Variants in CAST observed in about 807,000 individuals in gnomAD.
CAST encodes the protein MIR583 host.
A neutral mutation model predicts 119.6 loss-of-function variants in CAST; 76 were observed. The observed-to-expected ratio is 0.64, with a 90% confidence interval of 0.53 to 0.77. CAST has a LOEUF of 0.77. Among genes scored for constraint, CAST ranks in the 30% least tolerant of loss-of-function variants. CAST has a pLI of 0.00. For missense variants in CAST, 953 were observed against 946.5 expected (o/e 1.01, Z -0.09); for synonymous variants, 319 against 331.6 (o/e 0.96, Z 0.41).
chr5:96,738,027 G>T (rs1384948455), intron 11 of CAST, 80 bp downstream of exon 11: 2 of 823,622 alleles, frequency 2.4e-6, no homozygotes, highest in Non-Finnish European at 2.0e-6. Context: ...AAGTACAAAA[G>T]AATACCTAGT....
Position 96,653,446 on chromosome 5 carries a change from A to C in CAST, c.61-22093A>C, listed in dbSNP as rs933735354. 2.6e-5 allele frequency among the ~76,000 whole-genome samples: 4 copies of C among 152,236 alleles called. No individual in the cohort carries two copies. In the South Asian group the frequency reaches 8.3e-4, roughly 31 times the overall value. ...AACAATTTGGAGAGGAAGTGTAGTT[A>C]GTAGACCTGGCTTTGGAATCTGGCT... On this transcript the variant is annotated intron_variant, in intron 1 of 11. Coordinates refer to the CAST transcript ENST00000505143.
chr5:95,995,249 C>T, the CAST span, among the ~76,000 whole-genome samples: 1 of 152,106 alleles, frequency 6.6e-6, no homozygotes, highest in African/African-American at 2.4e-5. Context: ...GCTCATCCCA[C>T]ACTGCATGGG....
the CAST span, among the ~76,000 whole-genome samples, chr5:96,461,409 T>A: frequency 2.0e-5 from 3 of 152,234 alleles, no homozygotes; most frequent in Admixed American, 1.3e-4. Flanking sequence ...CACCTCTATA[T>A]TTAACTTTTT....
At chr5:96,767,564 C>G (rs928812810) in intron 28 of CAST, 82 bp downstream of exon 28, 42 of 958,996 alleles carry the variant, frequency 4.4e-5, no homozygotes, top group Middle Eastern at 4.3e-4. Flanking sequence ...AAAACTAAAA[C>G]ATATTGAATG....
At chr5:96,208,206 T>C in the CAST span, among the ~76,000 whole-genome samples, 1 of 151,798 alleles carries the variant, frequency 6.6e-6, no homozygotes, top group Non-Finnish European at 1.5e-5. Context: ...TTGGATCTTC[T>C]CCCTTTTTTT....
At chr5:96,405,739 C>G in the CAST span, among the ~76,000 whole-genome samples, 37 of 152,252 alleles carry the variant, frequency 2.4e-4, no homozygotes, top group South Asian at 2.1e-4. Context: ...GAAAAAGAAG[C>G]CTTGAGGTTT....
chr5:96,524,142 C>T (rs889602712), upstream of CAST, among the ~76,000 whole-genome samples: 1 of 152,116 alleles, frequency 6.6e-6, no homozygotes, highest in Non-Finnish European at 1.5e-5. Context: ...TGTGACAGGA[C>T]GACGTACTGA....
At chr5:96,590,638 G>A (rs997511470) in intron 1 of CAST, among the ~76,000 whole-genome samples, 4 of 152,178 alleles carry the variant, frequency 2.6e-5, no homozygotes, top group African/African-American at 9.7e-5. Context: ...ACGAACCAGA[G>A]GGGAAAAGTA....
At chr5:96,558,258 G>A (rs555576538) in intron 1 of CAST, among the ~76,000 whole-genome samples, 1 of 152,088 alleles carries the variant, frequency 6.6e-6, no homozygotes, top group Non-Finnish European at 1.5e-5. Flanking sequence ...AAGCAGGAAA[G>A]ATCTAAAATT....
chr5:96,745,717 T>C (rs528009405), intron 16 of CAST, among the ~76,000 whole-genome samples: 12 of 152,332 alleles, frequency 7.9e-5, no homozygotes, highest in African/African-American at 2.6e-4. Flanking sequence ...CAGCTAGTTG[T>C]TCATGGTTCA....
At chr5:96,333,694 C>T in the CAST span, among the ~76,000 whole-genome samples, 280 of 152,124 alleles carry the variant, frequency 1.8e-3, 1 homozygote, top group African/African-American at 6.1e-3. Flanking sequence ...GGCCTCTGTG[C>T]GGAGCAATAC....
intron 1 of CAST, among the ~76,000 whole-genome samples, chr5:96,530,156 G>C (rs1211739299): frequency 6.9e-6 from 1 of 145,318 alleles, no homozygotes; most frequent in East Asian, 2.3e-4. Flanking sequence ...AGTGTCAAGA[G>C]ACAGACTAAC....
intron 1 of CAST, among the ~76,000 whole-genome samples, chr5:96,633,732 T>A (rs1342930999): frequency 1.3e-5 from 2 of 152,222 alleles, no homozygotes; most frequent in Non-Finnish European, 2.9e-5. Context: ...CAGGACAAAG[T>A]GTGAACAGAA....
chr5:96,315,347 C>T, the CAST span, among the ~76,000 whole-genome samples: 3 of 152,158 alleles, frequency 2.0e-5, no homozygotes, highest in Non-Finnish European at 4.4e-5. Flanking sequence ...AAAGGGAAAC[C>T]TCTGCACTTC....
rs1554070023 is a variant in CAST, at chr5:96,599,974, A to AAAAACAAAACAAAAC, written c.60+70098_60+70099insCAAAACAAAACAAAA. The stretch of plus-strand genomic sequence containing the variant: ...ATTATTGCTTCATTAGGCAAAAAAA[A>AAAAACAAAACAAAAC]AAAAAAAAACCCTCAAGCTCTGTTG... On this transcript the variant is annotated intron_variant, in intron 1 of 11. Coordinates refer to the CAST transcript ENST00000505143. 1.8e-4 allele frequency among the ~76,000 whole-genome samples: 23 copies of AAAAACAAAACAAAAC among 125,736 alleles called. 1 individual carries two copies. Among genetic ancestry groups the AAAAACAAAACAAAAC allele is most frequent in the African/African-American group, 5.7e-4 (21 of 36,932 alleles). The allele number at this position is 125,736 out of a possible 152,430, so 82.5% of individuals were successfully genotyped here.
At chr5:96,239,475 A>G in the CAST span, among the ~76,000 whole-genome samples, 508 of 152,074 alleles carry the variant, frequency 3.3e-3, 1 homozygote, top group African/African-American at 0.011. Context: ...TATAAACTTT[A>G]TTAGATTTCT....
intron 1 of CAST, among the ~76,000 whole-genome samples, chr5:96,544,829 TA>T (rs397732689): frequency 4.7e-5 from 7 of 148,132 alleles, no homozygotes; most frequent in South Asian, 2.1e-4. Flanking sequence ...TAGGAGTGGA[TA>T]AAAAAAAAAC....
chr5:96,266,659 A>G, the CAST span, among the ~76,000 whole-genome samples: 1 of 152,246 alleles, frequency 6.6e-6, no homozygotes, highest in Non-Finnish European at 1.5e-5. Context: ...AAGATAATCA[A>G]CAGGTAAATT....
At chr5:96,640,008 C>CA (rs1237952280) in intron 1 of CAST, among the ~76,000 whole-genome samples, 12 of 151,618 alleles carry the variant, frequency 7.9e-5, no homozygotes, top group Admixed American at 5.2e-4. Context: ...CTGAGTAAAC[C>CA]AGAAAAAAAA....
Sources: gnomAD v4.1 joint callset for allele counts (sites outside exome capture counted in the v4.1 genomes callset) on GRCh38, gnomAD v4.1.1 for gene constraint, MANE v1.5 for transcripts, NCBI Gene and HGNC (gene_info 2026-07-23, HGNC 2026-07-21) for gene names.